The following KLHL1 variants were observed in gnomAD, a reference collection of about 807,000 sequenced individuals.
The protein encoded by KLHL1 is kelch-like protein 1.
A neutral mutation model predicts 77.7 loss-of-function variants in KLHL1; 47 were observed. That is an observed-to-expected ratio of 0.60 (90% confidence interval 0.48 to 0.77). KLHL1 has a LOEUF of 0.77. Among genes scored for constraint, KLHL1 ranks in the 30% least tolerant of loss-of-function variants. The pLI, the probability that KLHL1 is intolerant of heterozygous loss-of-function variation, is 0.00. For synonymous variants in KLHL1, 360 were observed against 325.2 expected, an observed-to-expected ratio of 1.11 and a Z score of -1.15; for missense variants, 925 against 910.8, an observed-to-expected ratio of 1.02 and a Z score of -0.20.
At chr13:69,808,043 T>C (rs942421614) in intron 6 of KLHL1, among the ~76,000 whole-genome samples, 3 of 151,980 alleles carry the variant, frequency 2.0e-5, no homozygotes, top group Non-Finnish European at 2.9e-5. Flanking sequence ...AAGTCCACCA[T>C]AAGTTAATGA....
intron 6 of KLHL1, among the ~76,000 whole-genome samples, chr13:69,816,102 TAATTA>T (rs1169389721): frequency 4.6e-5 from 7 of 151,966 alleles, no homozygotes; most frequent in Non-Finnish European, 5.9e-5. Context: ...GCTTTCCTAA[TAATTA>T]AATAATTTTA....
intron 4 of KLHL1, among the ~76,000 whole-genome samples, chr13:69,886,454 T>C (rs996587082): frequency 3.3e-5 from 5 of 151,666 alleles, no homozygotes; most frequent in African/African-American, 9.7e-5. Flanking sequence ...TTCTGTGCAT[T>C]AATTAAATTA....
At chr13:69,911,542 G>A (rs77569527) in intron 4 of KLHL1, among the ~76,000 whole-genome samples, 3,388 of 145,592 alleles carry the variant, frequency 0.023, 50 homozygotes, top group Non-Finnish European at 0.036. Flanking sequence ...AATCTTGGCT[G>A]CAGCTAGGTA....
intron 4 of KLHL1, among the ~76,000 whole-genome samples, chr13:69,888,379 C>A (rs569019185): frequency 6.6e-6 from 1 of 152,172 alleles, no homozygotes; most frequent in Admixed American, 6.5e-5. Context: ...GAAATAGGGT[C>A]ATTGCAGATA....
chr13:69,817,098 A>G (rs1878152337), intron 6 of KLHL1, among the ~76,000 whole-genome samples: 1 of 152,168 alleles, frequency 6.6e-6, no homozygotes, highest in African/African-American at 2.4e-5. Flanking sequence ...GCTACTTGAC[A>G]TTTTCAAATA....
chr13:69,783,618 T>C (rs769148395), intron 7 of KLHL1, among the ~76,000 whole-genome samples: 5 of 147,680 alleles, frequency 3.4e-5, no homozygotes, highest in Non-Finnish European at 7.4e-5. Flanking sequence ...AGAAGGGAAG[T>C]TTAGAGAAAA....
At chr13:69,806,875 T>A (rs1051241433) in intron 6 of KLHL1, among the ~76,000 whole-genome samples, 2 of 152,082 alleles carry the variant, frequency 1.3e-5, no homozygotes. Flanking sequence ...CAGGGGAGAA[T>A]AAGCACACCC....
chr13:69,978,728 C>G (rs185048077), intron 1 of KLHL1, among the ~76,000 whole-genome samples: 1 of 152,118 alleles, frequency 6.6e-6, no homozygotes, highest in African/African-American at 2.4e-5. Flanking sequence ...CTCAGGTGAT[C>G]TGCCCGCCTT....
At chr13:70,039,056 ATTTT>A (rs35184766) in intron 1 of KLHL1, among the ~76,000 whole-genome samples, 15 of 124,680 alleles carry the variant, frequency 1.2e-4, no homozygotes, top group African/African-American at 1.8e-4. Flanking sequence ...TCCTTTGCAC[ATTTT>A]TTTTTTTTTT....
chr13:69,949,888 T>G (rs935357835), intron 3 of KLHL1, among the ~76,000 whole-genome samples: 1 of 151,780 alleles, frequency 6.6e-6, no homozygotes, highest in Non-Finnish European at 1.5e-5. Context: ...TATTCCTTAT[T>G]GCAAATTTGT....
intron 1 of KLHL1, among the ~76,000 whole-genome samples, chr13:70,035,723 T>C (rs1886221198): frequency 6.6e-6 from 1 of 152,040 alleles, no homozygotes; most frequent in Non-Finnish European, 1.5e-5. Context: ...CTGAGTTTAC[T>C]GATGGAAGGG....
At chr13:70,050,589 GATAAA>G (rs1886606011) in intron 1 of KLHL1, among the ~76,000 whole-genome samples, 1 of 151,832 alleles carries the variant, frequency 6.6e-6, no homozygotes, top group South Asian at 2.1e-4. Context: ...CTAAAAATCA[GATAAA>G]ATAAATATTA....
At chr13:69,872,520 C>A (rs1016833786) in intron 5 of KLHL1, among the ~76,000 whole-genome samples, 19 of 152,184 alleles carry the variant, frequency 1.2e-4, no homozygotes, top group South Asian at 1.2e-3. Context: ...CATGTGCCAG[C>A]GTGATGACTC....
rs1206559942 is a variant in KLHL1 at position 69,740,467 on chromosome 13, T to G, written c.1729A>C (p.Ser577Arg). 1 of 1,613,064 alleles carries G rather than the reference T, an allele frequency of 6.2e-7. No individual in the cohort carries two copies. The highest frequency in any genetic ancestry group is 1.3e-5 in the African/African-American group (1 of 74,930). The change falls in exon 8 of 11, where the codon AGT becomes CGT. Residue 577 changes from serine to arginine, a missense_variant. Transcript: ENST00000377844. ...CTGGCTACAAATGTCCATTGTTGAC[T>G]CTGTGGATCCCACCTTTCCACTGTA... is the stretch of plus-strand genomic sequence containing the variant. The part of the protein sequence containing the change: ...LNTVERWDPQ[S>R]QQWTFVASMS...
chr13:69,715,249 C>T (rs1415046365), intron 9 of KLHL1, among the ~76,000 whole-genome samples: 1 of 152,178 alleles, frequency 6.6e-6, no homozygotes, highest in Non-Finnish European at 1.5e-5. Context: ...TTGTAATCCC[C>T]AGGTGCTGAG....
chr13:69,768,701 A>G (rs1875427560), intron 7 of KLHL1, among the ~76,000 whole-genome samples: 1 of 152,152 alleles, frequency 6.6e-6, no homozygotes, highest in South Asian at 2.1e-4. Context: ...AAACCTAGTA[A>G]TTATTAATAA....
Position 70,107,455 on chromosome 13 carries a change from G to T in KLHL1, c.245C>A (p.Pro82Gln). The T allele has an allele frequency of 1.2e-6, 2 of 1,614,080 alleles. No homozygotes were observed. Among genetic ancestry groups the T allele is most frequent in the Non-Finnish European group, 1.7e-6 (2 of 1,179,958 alleles). The change falls in exon 1 of 11, where the codon CCG (proline) becomes CAG (glutamine). Residue 82 changes from proline to glutamine, a missense_variant. By Grantham distance (76) the Pro-to-Gln change is moderately conservative. Coordinates refer to ENST00000377844, the MANE Select transcript of KLHL1 (RefSeq NM_020866.3). Reference protein sequence around the residue: ...PSSSSSSSSSPSSSSSSFNPL... With the variant: ...PSSSSSSSSSQSSSSSSFNPL... ...ATTGAAGGAAGAGGAGGAAGAGGAC[G>T]GGGAGGACGATGAAGAGGAAGAGGA... is the stretch of plus-strand genomic sequence containing the variant.
At chr13:69,860,851 AT>A (rs1172426406) in intron 5 of KLHL1, among the ~76,000 whole-genome samples, 2 of 151,436 alleles carry the variant, frequency 1.3e-5, no homozygotes, top group Admixed American at 1.3e-4. Context: ...AGAATTACAT[AT>A]TTAAAAAAAA....
intron 6 of KLHL1, among the ~76,000 whole-genome samples, chr13:69,806,204 A>G (rs952833698): frequency 7.9e-5 from 12 of 152,214 alleles, no homozygotes; most frequent in African/African-American, 2.9e-4. Flanking sequence ...TACTCCTTAT[A>G]CCAGAATGAA....
Sources: gnomAD v4.1 joint callset for allele counts (sites outside exome capture counted in the v4.1 genomes callset) on GRCh38, gnomAD v4.1.1 for gene constraint, MANE v1.5 for transcripts, NCBI Gene and HGNC (gene_info 2026-07-23, HGNC 2026-07-21) for gene names.